COL21A1: variants seen among roughly 807,000 people sequenced by gnomAD.
The protein encoded by COL21A1 is collagen alpha-1(XXI) chain.
A neutral mutation model predicts 137.9 loss-of-function variants in COL21A1; 149 were observed. The ratio of observed to expected loss-of-function variants is 1.08; its 90% CI spans 0.95 to 1.24. The LOEUF (loss-of-function observed/expected upper bound fraction) is 1.24, where lower values mean the gene tolerates loss of function less well. Ranked by LOEUF, COL21A1 falls within the 50% of genes most tolerant of loss-of-function variation. The pLI is 0.00. For synonymous variants in COL21A1, 456 were observed against 391.5 expected (o/e 1.16, Z -1.95); for missense variants, 1,167 against 1,158.4 (o/e 1.01, Z -0.11).
At chr6:56,357,947 C>CA (rs1273430467) in intron 1 of COL21A1, among the ~76,000 whole-genome samples, 1 of 151,936 alleles carries the variant, frequency 6.6e-6, no homozygotes, top group Non-Finnish European at 1.5e-5. Flanking sequence ...AGACTGAATG[C>CA]AAAAAACGTT....
chr6:56,115,935 A>C (rs756353662), intron 16 of COL21A1, among the ~76,000 whole-genome samples: 1 of 152,068 alleles, frequency 6.6e-6, no homozygotes, highest in African/African-American at 2.4e-5. Flanking sequence ...AAGCAGAAGA[A>C]GTAATTGATG....
chr6:56,331,869 T>C (rs1464185717), intron 1 of COL21A1: 1 of 148,236 alleles, frequency 6.7e-6, no homozygotes, highest in Middle Eastern at 3.3e-3. Context: ...AACAATGTTT[T>C]AAGAATAAAA....
intron 16 of COL21A1, among the ~76,000 whole-genome samples, chr6:56,107,046 G>C (rs528248404): frequency 6.6e-6 from 1 of 151,868 alleles, no homozygotes; most frequent in East Asian, 1.9e-4. Context: ...CTCGGCCTCC[G>C]AAAGTGCTGG....
intron 1 of COL21A1, among the ~76,000 whole-genome samples, chr6:56,211,672 T>C (rs925943640): frequency 6.6e-6 from 1 of 152,118 alleles, no homozygotes; most frequent in East Asian, 1.9e-4. Context: ...CTCGAATGTA[T>C]GATACACATA....
chr6:56,302,098 T>C (rs1764310231), intron 1 of COL21A1, among the ~76,000 whole-genome samples: 1 of 151,948 alleles, frequency 6.6e-6, no homozygotes, highest in African/African-American at 2.4e-5. Flanking sequence ...ATGGTGTATA[T>C]GTGCCACATT....
At chr6:56,090,129 C>T (rs1441392815) in intron 17 of COL21A1, among the ~76,000 whole-genome samples, 1 of 152,148 alleles carries the variant, frequency 6.6e-6, no homozygotes, top group Admixed American at 6.5e-5. Flanking sequence ...GTCTCAGCTA[C>T]TCAGGAGGCT....
At chr6:56,241,671 G>T (rs909998526) in intron 1 of COL21A1, among the ~76,000 whole-genome samples, 1 of 152,130 alleles carries the variant, frequency 6.6e-6, no homozygotes, top group African/African-American at 2.4e-5. Flanking sequence ...TTCTCTCTGG[G>T]ATAATCTCTC....
intron 1 of COL21A1, among the ~76,000 whole-genome samples, chr6:56,316,075 TTTTAA>T (rs1476848763): frequency 1.3e-5 from 2 of 152,192 alleles, no homozygotes; most frequent in African/African-American, 4.8e-5. Flanking sequence ...AATTTTCTCT[TTTTAA>T]TTTATTTTTA....
intron 1 of COL21A1, among the ~76,000 whole-genome samples, chr6:56,320,394 C>A (rs776910020): frequency 6.6e-6 from 1 of 152,000 alleles, no homozygotes; most frequent in Non-Finnish European, 1.5e-5. Context: ...ATATCTTCAA[C>A]TCAAGATTGT....
intron 1 of COL21A1, among the ~76,000 whole-genome samples, chr6:56,301,427 C>T (rs182656748): frequency 6.6e-6 from 1 of 152,252 alleles, no homozygotes; most frequent in Non-Finnish European, 1.5e-5. Context: ...TACATTTCTA[C>T]CAATACCTTG....
At chr6:56,290,532 C>T (rs1449264287) in intron 1 of COL21A1, among the ~76,000 whole-genome samples, 1 of 126,484 alleles carries the variant, frequency 7.9e-6, no homozygotes, top group African/African-American at 3.1e-5. Context: ...CGAAGTCTTG[C>T]TCTGTTGCCC....
At chr6:56,244,084 G>T (rs1229769358) in intron 1 of COL21A1, among the ~76,000 whole-genome samples, 1 of 152,108 alleles carries the variant, frequency 6.6e-6, no homozygotes, top group Non-Finnish European at 1.5e-5. Context: ...CATCCACTAT[G>T]GAACAAAGAG....
chr6:56,265,059 G>A (rs1763364266), intron 1 of COL21A1, among the ~76,000 whole-genome samples: 1 of 152,208 alleles, frequency 6.6e-6, no homozygotes, highest in African/African-American at 2.4e-5. Context: ...CTGCTTACAT[G>A]GAGATCTTTT....
At chr6:56,323,346 T>C (rs1237159281) in intron 1 of COL21A1, among the ~76,000 whole-genome samples, 1 of 152,138 alleles carries the variant, frequency 6.6e-6, no homozygotes, top group African/African-American at 2.4e-5. Flanking sequence ...TCAAAGATAA[T>C]TCACATTGTT....
intron 12 of COL21A1, among the ~76,000 whole-genome samples, chr6:56,139,500 T>TACACAC (rs35595286): frequency 3.1e-4 from 47 of 151,362 alleles, no homozygotes; most frequent in Admixed American, 1.8e-3. Context: ...CTTGTGCACA[T>TACACAC]ACACACACAC....
intron 1 of COL21A1, among the ~76,000 whole-genome samples, chr6:56,261,680 A>G (rs1449048216): frequency 6.6e-6 from 1 of 152,216 alleles, no homozygotes; most frequent in Non-Finnish European, 1.5e-5. Context: ...TTCTTGTGAT[A>G]GTATTCTGAA....
chr6:56,234,154 A>G (rs1781760053), intron 1 of COL21A1, among the ~76,000 whole-genome samples: 1 of 151,794 alleles, frequency 6.6e-6, no homozygotes, highest in South Asian at 2.1e-4. Flanking sequence ...CAATCATAAT[A>G]AAGTTGAATG....
chr6:56,146,877 C>G (rs1481391446), intron 10 of COL21A1, among the ~76,000 whole-genome samples: 1 of 152,154 alleles, frequency 6.6e-6, no homozygotes, highest in African/African-American at 2.4e-5. Flanking sequence ...ATCTAATCCT[C>G]TCTCATATAG....
At chr6:56,304,238 T>C (rs1226540159) in intron 1 of COL21A1, among the ~76,000 whole-genome samples, 1 of 152,078 alleles carries the variant, frequency 6.6e-6, no homozygotes, top group Non-Finnish European at 1.5e-5. Context: ...AGGATGATGC[T>C]GGCCTCATAA....
Sources: allele counts gnomAD v4.1 joint callset (sites outside exome capture counted in the v4.1 genomes callset), GRCh38; gene constraint gnomAD v4.1.1; transcripts MANE v1.5; gene names NCBI Gene and HGNC (gene_info 2026-07-23, HGNC 2026-07-21).